The following ANKRD62 variants were observed in gnomAD, a reference collection of about 807,000 sequenced individuals.
ANKRD62 encodes ankyrin repeat domain-containing protein 62.
A neutral mutation model predicts 98.8 loss-of-function variants in ANKRD62; 61 were observed. The ratio of observed to expected loss-of-function variants is 0.62; its 90% CI spans 0.50 to 0.76. The LOEUF (loss-of-function observed/expected upper bound fraction) is 0.76. Ranked by LOEUF, ANKRD62 falls within the 30% of genes least tolerant of loss-of-function variation. The pLI, the probability that ANKRD62 is intolerant of heterozygous loss-of-function variation, is 0.00. For missense variants in ANKRD62, 933 were observed against 1,082.9 expected, an observed-to-expected ratio of 0.86 and a Z score of 1.94; for synonymous variants, 341 against 367.9, an observed-to-expected ratio of 0.93 and a Z score of 0.84.
At chr18:12,171,674 G>T in the ANKRD62 span, among the ~76,000 whole-genome samples, 1 of 152,114 alleles carries the variant, frequency 6.6e-6, no homozygotes, top group African/African-American at 2.4e-5. Context: ...TCCTGAATTT[G>T]AATGTTGGCC....
chr18:12,111,757 C>A (rs1026290342), intron 8 of ANKRD62, among the ~76,000 whole-genome samples: 9 of 152,008 alleles, frequency 5.9e-5, no homozygotes, highest in Non-Finnish European at 1.2e-4. Context: ...TCCCATAGAC[C>A]AACAATAGTG....
Position 12,126,021 on chromosome 18 carries a change from A to G in ANKRD62, c.2200A>G (p.Ile734Val), listed in dbSNP as rs1909882714. ...GGCTCTCAAAGAAAAGACGTTGCAT[A>G]TAGAACACATGCAAGGAGTCCTAAG... is the stretch of plus-strand genomic sequence containing the variant. ...REALKEKTLH[I>V]EHMQGVLSRT... The change falls in exon 13 of 14, where the codon ATA (isoleucine) becomes GTA (valine). Residue 734 changes from isoleucine (I) to valine (V), a missense_variant. Physicochemically the swap from Ile to Val is conservative, Grantham distance 29. Transcript: ENST00000587848. The G allele has an allele frequency of 1.3e-6, 2 of 1,536,480 alleles. No individual in the cohort carries two copies. The highest frequency in any genetic ancestry group is 1.7e-6 in the Non-Finnish European group (2 of 1,146,932).
At chr18:12,102,107 T>A (rs1909312171) in intron 6 of ANKRD62, 1 of 1,348,482 alleles carries the variant, frequency 7.4e-7, no homozygotes, top group Non-Finnish European at 1.1e-6. Flanking sequence ...TTGGGAGCTT[T>A]CTGCAAGGCA....
intron 10 of ANKRD62, among the ~76,000 whole-genome samples, chr18:12,116,768 C>T (rs1438925912): frequency 1.3e-5 from 2 of 152,106 alleles, no homozygotes; most frequent in African/African-American, 2.4e-5. Flanking sequence ...AGAATCACCT[C>T]GTCATTTAAA....
At chr18:12,155,820 GA>G in the ANKRD62 span, among the ~76,000 whole-genome samples, 4 of 152,134 alleles carry the variant, frequency 2.6e-5, no homozygotes, top group Non-Finnish European at 4.4e-5. Flanking sequence ...CTGAACCCTG[GA>G]AAGGGTACTT....
chr18:12,133,667 A>C (rs1384822061), downstream of ANKRD62, among the ~76,000 whole-genome samples: 1 of 151,830 alleles, frequency 6.6e-6, no homozygotes, highest in African/African-American at 2.4e-5. Flanking sequence ...GCCATTGTCT[A>C]TGTTCTTAGA....
downstream of ANKRD62, among the ~76,000 whole-genome samples, chr18:12,131,570 C>G (rs1448936642): frequency 6.6e-6 from 1 of 152,108 alleles, no homozygotes; most frequent in Non-Finnish European, 1.5e-5. Flanking sequence ...TGTCAGCTTG[C>G]ACGCTGAAAC....
downstream of ANKRD62, among the ~76,000 whole-genome samples, chr18:12,131,102 G>A (rs2143939952): frequency 6.6e-6 from 1 of 152,318 alleles, no homozygotes; most frequent in Non-Finnish European, 1.5e-5. Flanking sequence ...TATCATGCGG[G>A]TGCTCAAAAA....
the ANKRD62 span, among the ~76,000 whole-genome samples, chr18:12,164,428 T>C: frequency 6.6e-6 from 1 of 151,958 alleles, no homozygotes; most frequent in Admixed American, 6.6e-5. Context: ...TCAATTTTGT[T>C]TATCCTTTCA....
chr18:12,094,871 G>A (rs1909145870), intron 1 of ANKRD62, among the ~76,000 whole-genome samples: 1 of 130,526 alleles, frequency 7.7e-6, no homozygotes, highest in African/African-American at 3.0e-5. Flanking sequence ...GGTTGGCTGG[G>A]GTGGGGGTTG....
the ANKRD62 span, among the ~76,000 whole-genome samples, chr18:12,171,770 G>T: frequency 1.9e-4 from 29 of 152,158 alleles, 1 homozygote; most frequent in Admixed American, 1.9e-3. Flanking sequence ...TCACTTTCAG[G>T]TACACCACTC....
At chr18:12,132,245 T>TA (rs1306924960), downstream of ANKRD62, among the ~76,000 whole-genome samples, 1 of 152,164 alleles carries the variant, frequency 6.6e-6, no homozygotes, top group Admixed American at 6.5e-5. Flanking sequence ...CATATAGAAT[T>TA]ACGATTGATT....
the ANKRD62 span, among the ~76,000 whole-genome samples, chr18:12,151,573 A>T: frequency 1.3e-5 from 2 of 152,220 alleles, no homozygotes; most frequent in Non-Finnish European, 2.9e-5. Context: ...AATCATACTA[A>T]ACATACTCTT....
chr18:12,158,508 T>C, the ANKRD62 span, among the ~76,000 whole-genome samples: 1 of 148,910 alleles, frequency 6.7e-6, no homozygotes, highest in African/African-American at 2.5e-5. Context: ...ACAAAATTGC[T>C]TTAGAAATTT....
the ANKRD62 span, among the ~76,000 whole-genome samples, chr18:12,162,202 TAA>T: frequency 6.6e-6 from 1 of 152,164 alleles, no homozygotes; most frequent in Admixed American, 6.5e-5. Flanking sequence ...GTTCTTTGGA[TAA>T]AAGCCATTTT....
chr18:12,130,729 G>C (rs1254863618), downstream of ANKRD62, among the ~76,000 whole-genome samples: 1 of 150,622 alleles, frequency 6.6e-6, no homozygotes, highest in Non-Finnish European at 1.5e-5. Context: ...GTCTTGATCT[G>C]TCGCCCAGAC....
At chr18:12,106,587 G>C (rs1323805076) in intron 7 of ANKRD62, among the ~76,000 whole-genome samples, 1 of 152,090 alleles carries the variant, frequency 6.6e-6, no homozygotes, top group East Asian at 1.9e-4. Context: ...AATCTTTTTT[G>C]ATAATGGGGC....
the ANKRD62 span, among the ~76,000 whole-genome samples, chr18:12,168,607 T>G: frequency 6.6e-6 from 1 of 152,232 alleles, no homozygotes; most frequent in Non-Finnish European, 1.5e-5. Flanking sequence ...AGGATTGTCT[T>G]GGCAATGAAG....
In ANKRD62 at chr18:12,107,247, T is replaced by A. The variant is rs774503376; in HGVS notation, c.892-48T>A. On this transcript the variant is annotated intron_variant, in intron 7 of 13. Transcript: ENST00000587848. ...AATGAACACAAAAAAGTTCTTTCTA[T>A]TGGATAAAATAATGACAATTATTCT... 2.0e-5 allele frequency: 27 copies of A among 1,334,588 alleles called. No homozygotes were observed. In the Middle Eastern group the frequency reaches 8.0e-4, roughly 40 times the overall value. 82.7% of individuals were successfully genotyped at this position (1,334,588 alleles called of 1,614,324 possible).
Sources: allele counts gnomAD v4.1 joint callset (sites outside exome capture counted in the v4.1 genomes callset), GRCh38; gene constraint gnomAD v4.1.1; transcripts MANE v1.5; gene names NCBI Gene and HGNC (gene_info 2026-07-23, HGNC 2026-07-21).